The following IDO2 variants were observed in gnomAD, a reference collection of about 807,000 sequenced individuals.
IDO2 encodes the protein indoleamine 2,3-dioxygenase-like 1 protein.
A neutral mutation model predicts 45.1 loss-of-function variants in IDO2; 46 were observed. The ratio of observed to expected loss-of-function variants is 1.02; its 90% CI spans 0.80 to 1.30. IDO2 has a LOEUF of 1.30. IDO2 is among the 50% of genes most tolerant of loss of function. The pLI, the probability that IDO2 is intolerant of heterozygous loss-of-function variation, is 0.00. For missense variants in IDO2, 544 were observed against 491.8 expected (o/e 1.11, Z -1.00); for synonymous variants, 218 against 184.9 (o/e 1.18, Z -1.45).
chr8:39,939,979 G>T (rs958583955), intron 1 of IDO2, among the ~76,000 whole-genome samples: 3 of 151,970 alleles, frequency 2.0e-5, no homozygotes, highest in Admixed American at 1.3e-4. Flanking sequence ...CTAATACCCC[G>T]ACTGATAGAA....
intron 1 of IDO2, among the ~76,000 whole-genome samples, chr8:39,946,215 T>A (rs1335044522): frequency 6.6e-6 from 1 of 152,166 alleles, no homozygotes; most frequent in Non-Finnish European, 1.5e-5. Flanking sequence ...ACCCAGGAAC[T>A]GACTCAGCAC....
chr8:39,941,806 T>C (rs573841330), intron 1 of IDO2, among the ~76,000 whole-genome samples: 16 of 151,652 alleles, frequency 1.1e-4, no homozygotes, highest in African/African-American at 3.6e-4. Flanking sequence ...AATGAATGGG[T>C]GGACATGGTG....
At chr8:40,013,500 A>G (rs566837308) in intron 9 of IDO2, 65 bp from the exon 10 acceptor site, 1 of 1,451,016 alleles carries the variant, frequency 6.9e-7, no homozygotes, top group East Asian at 2.3e-5. Context: ...CTCAGTTTCC[A>G]TGTCAGAAAA....
chr8:39,947,171 C>CAAAAAAAAAAAAAAAAAAAAAAAA (rs55785952), intron 1 of IDO2, among the ~76,000 whole-genome samples: 1 of 80,038 alleles, frequency 1.2e-5, no homozygotes, highest in Non-Finnish European at 2.3e-5. Context: ...GCTAAGGTAT[C>CAAAAAAAAAAAAAAAAAAAAAAAA]AAAAAAAAAA....
Position 39,935,123 on chromosome 8 carries a change from G to GTATA in IDO2, c.-113_-112insTATA, listed in dbSNP as rs1436430098. On this transcript the variant is annotated 5_prime_UTR_variant, in exon 1 of 11. It introduces an in-frame stop codon into an upstream open reading frame of the 5' UTR. Coordinates refer to ENST00000502986, the Ensembl canonical transcript of IDO2. ...ATGTACCATAATACAGAAGGCAATGGACACCTAAAGAACAGAATGAAAACC... is the reference window on the plus strand; with the variant it reads ...ATGTACCATAATACAGAAGGCAATGGTATAACACCTAAAGAACAGAATGAAAACC... 3.1e-6 allele frequency: 4 copies of GTATA among 1,269,962 alleles called. No homozygotes were observed. Among genetic ancestry groups the GTATA allele is most frequent in the Non-Finnish European group, 4.6e-6 (4 of 865,894 alleles). The allele number at this position is 1,269,962 out of a possible 1,614,324, so 78.7% of individuals were successfully genotyped here. A position where few individuals can be genotyped will look rare whatever the true frequency, so the allele number is the denominator to read the frequency against.
chr8:39,973,699 G>A (rs1808214518), intron 3 of IDO2, among the ~76,000 whole-genome samples: 1 of 151,484 alleles, frequency 6.6e-6, no homozygotes, highest in Non-Finnish European at 1.5e-5. Context: ...AGTGGAGTGA[G>A]AGCTGTAAAA....
At chr8:40,004,627 G>A (rs1444437167) in intron 8 of IDO2, among the ~76,000 whole-genome samples, 1 of 152,060 alleles carries the variant, frequency 6.6e-6, no homozygotes. Flanking sequence ...AGTAAGATAG[G>A]CATATGCCAG....
chr8:39,984,841 T>A (rs986727050), intron 5 of IDO2: 7 of 390,096 alleles, frequency 1.8e-5, no homozygotes, highest in African/African-American at 1.5e-4. Flanking sequence ...GTAAGGCAAA[T>A]CCTAAAAGTT....
intron 8 of IDO2, among the ~76,000 whole-genome samples, chr8:39,992,566 C>T (rs549392350): frequency 1.3e-5 from 2 of 152,208 alleles, no homozygotes; most frequent in South Asian, 4.1e-4. Flanking sequence ...TTCTATGCAG[C>T]AATAGTAACC....
chr8:39,997,513 A>T (rs937886435), intron 8 of IDO2, among the ~76,000 whole-genome samples: 11 of 151,638 alleles, frequency 7.3e-5, no homozygotes, highest in African/African-American at 2.7e-4. Flanking sequence ...TCTACAAAAA[A>T]ATACAAAAAT....
intron 2 of IDO2, among the ~76,000 whole-genome samples, chr8:39,949,504 G>A (rs2129593313): frequency 6.6e-6 from 1 of 152,074 alleles, no homozygotes; most frequent in Middle Eastern, 3.4e-3. Flanking sequence ...TAGATTGTCA[G>A]GCCAGAGAAA....
At chr8:40,008,093 C>T (rs1314617090) in intron 9 of IDO2, among the ~76,000 whole-genome samples, 1 of 141,334 alleles carries the variant, frequency 7.1e-6, no homozygotes, top group Non-Finnish European at 1.5e-5. Flanking sequence ...GTCACCCAGG[C>T]TGGGGTGCAG....
intron 3 of IDO2, among the ~76,000 whole-genome samples, chr8:39,978,131 C>A (rs7016315): frequency 0.5 from 76,602 of 152,100 alleles, 20,232 homozygotes; most frequent in Middle Eastern, 0.59. Context: ...GGGAGGACAG[C>A]GGGTGAAGGA....
intron 8 of IDO2, among the ~76,000 whole-genome samples, chr8:39,994,934 G>T (rs1802010652): frequency 6.6e-6 from 1 of 152,054 alleles, no homozygotes; most frequent in African/African-American, 2.4e-5. Context: ...TCTAAGCTTA[G>T]TTTACTGCAA....
chr8:39,953,429 A>T (rs775344822), intron 2 of IDO2, among the ~76,000 whole-genome samples: 4 of 152,180 alleles, frequency 2.6e-5, no homozygotes, highest in Non-Finnish European at 5.9e-5. Context: ...GATTATTATA[A>T]ATGTTAGTCA....
At chr8:39,970,683 G>A (rs576585456) in intron 3 of IDO2, among the ~76,000 whole-genome samples, 4 of 151,324 alleles carry the variant, frequency 2.6e-5, no homozygotes, top group South Asian at 2.1e-4. Flanking sequence ...GAGCCACCAC[G>A]CCTGGCCAGT....
At chr8:39,958,305 G>A (rs971182813) in intron 2 of IDO2, among the ~76,000 whole-genome samples, 1 of 97,422 alleles carries the variant, frequency 1.0e-5, no homozygotes, top group Non-Finnish European at 2.3e-5. Context: ...AGGTTCAGGC[G>A]ATTCTCCCGC....
chr8:39,950,929 T>C (rs530890406), intron 2 of IDO2, among the ~76,000 whole-genome samples: 1 of 152,260 alleles, frequency 6.6e-6, no homozygotes, highest in African/African-American at 2.4e-5. Context: ...AGCAATCTTA[T>C]AGTAAGAAAT....
At chr8:39,935,319 C>T (rs1439465633) in intron 1 of IDO2, 101 bp downstream of exon 1, 1 of 963,866 alleles carries the variant, frequency 1.0e-6, no homozygotes, top group Non-Finnish European at 1.6e-6. Context: ...TCACTGTTCT[C>T]TATTGTAAAA....
Sources: allele counts gnomAD v4.1 joint callset (sites outside exome capture counted in the v4.1 genomes callset), GRCh38; gene constraint gnomAD v4.1.1; transcripts MANE v1.5; gene names NCBI Gene and HGNC (gene_info 2026-07-23, HGNC 2026-07-21).